RBFOX1: variants seen among roughly 807,000 people sequenced by gnomAD.
RBFOX1 encodes the protein RNA binding fox-1 homolog 1.
RBFOX1 carries 8 observed loss-of-function variants against 57.7 expected under a neutral mutation model. The observed-to-expected ratio is 0.14, with a 90% CI of 0.08 to 0.25. RBFOX1 has a LOEUF of 0.25. Ranked by LOEUF, RBFOX1 falls within the 10% of genes least tolerant of loss-of-function variation. The pLI is 1.00. For missense variants in RBFOX1, 611 were observed against 548.5 expected, an observed-to-expected ratio of 1.11 and a Z score of -1.14; for synonymous variants, 326 against 222.4, an observed-to-expected ratio of 1.47 and a Z score of -4.15.
chr16:6,483,207 G>A, intron 2 of RBFOX1: 2 of 1,200,158 alleles, frequency 1.7e-6, no homozygotes, highest in Non-Finnish European at 2.1e-6. Flanking sequence ...GCCGAGGCCG[G>A]CCGGGGAAGC....
At chr16:6,855,186 C>T (rs1221655437) in intron 3 of RBFOX1, among the ~76,000 whole-genome samples, 2 of 152,002 alleles carry the variant, frequency 1.3e-5, no homozygotes, top group African/African-American at 2.4e-5. Flanking sequence ...ATGATATCCC[C>T]AGTACCCAAT....
intron 3 of RBFOX1, among the ~76,000 whole-genome samples, chr16:6,747,621 A>G (rs2074022010): frequency 6.6e-6 from 1 of 152,106 alleles, no homozygotes; most frequent in South Asian, 2.1e-4. Context: ...CATCTCAGAT[A>G]TTGTCTCTTG....
At chr16:6,744,662 A>G (rs867569788) in intron 3 of RBFOX1, among the ~76,000 whole-genome samples, 1 of 152,112 alleles carries the variant, frequency 6.6e-6, no homozygotes, top group Non-Finnish European at 1.5e-5. Flanking sequence ...TATACATAAG[A>G]CATATCAGAT....
intron 2 of RBFOX1, among the ~76,000 whole-genome samples, chr16:6,404,079 A>C (rs2093183411): frequency 6.6e-6 from 1 of 152,170 alleles, no homozygotes. Flanking sequence ...CTGGCTCTCC[A>C]TGTCCATGGA....
chr16:6,947,593 C>T (rs942006508), intron 3 of RBFOX1, among the ~76,000 whole-genome samples: 1 of 152,172 alleles, frequency 6.6e-6, no homozygotes, highest in Non-Finnish European at 1.5e-5. Flanking sequence ...CTTGCTGCCT[C>T]CTGCCTTGCG....
chr16:6,788,720 C>T (rs1156317407), intron 3 of RBFOX1, among the ~76,000 whole-genome samples: 3 of 150,054 alleles, frequency 2.0e-5, no homozygotes, highest in Non-Finnish European at 4.4e-5. Context: ...CGTGATCCGC[C>T]CGCCTCGGCC....
rs145308988 is a variant in RBFOX1 at position 6,775,271 on chromosome 16, A to C, written c.-16+120621A>C. On this transcript the variant is annotated intron_variant, in intron 3 of 15. Transcript: ENST00000550418. ...CGTGAAACCGGGAGGCCGAGCTTGC[A>C]GTGAGCTGAGATCGCGCCACCGCAC... Among the ~76,000 whole-genome samples, 697 of 144,564 alleles carry C rather than the reference A, an allele frequency of 4.8e-3. 10 individuals are homozygous for C. Among genetic ancestry groups the C allele is most frequent in the African/African-American group, 0.017 (661 of 38,982 alleles). The allele number at this position is 144,564 out of a possible 152,430, so 94.8% of individuals were successfully genotyped here.
At chr16:6,755,694 A>G (rs2075678776) in intron 3 of RBFOX1, among the ~76,000 whole-genome samples, 1 of 152,174 alleles carries the variant, frequency 6.6e-6, no homozygotes, top group African/African-American at 2.4e-5. Context: ...ATAATACTAG[A>G]GAATTCGTTT....
chr16:5,302,571 C>G (rs1773033805), intron 1 of RBFOX1, among the ~76,000 whole-genome samples: 2 of 152,140 alleles, frequency 1.3e-5, no homozygotes. Flanking sequence ...ATTTGTCTTT[C>G]AATTATTGCA....
At chr16:6,789,289 G>C (rs1261970123) in intron 3 of RBFOX1, among the ~76,000 whole-genome samples, 1 of 152,174 alleles carries the variant, frequency 6.6e-6, no homozygotes, top group South Asian at 2.1e-4. Context: ...AAATACAGCA[G>C]TTGATATTTA....
chr16:7,691,763 A>C (rs1481937907), intron 14 of RBFOX1, among the ~76,000 whole-genome samples: 2 of 152,164 alleles, frequency 1.3e-5, no homozygotes, highest in African/African-American at 4.8e-5. Context: ...AACACAAGCT[A>C]GCAATCTGTT....
intron 4 of RBFOX1, among the ~76,000 whole-genome samples, chr16:7,439,495 C>G (rs942537929): frequency 1.3e-4 from 20 of 152,152 alleles, no homozygotes; most frequent in African/African-American, 4.8e-4. Flanking sequence ...GAATTATCCA[C>G]CTAGTTCCTC....
chr16:7,449,516 C>G (rs959971241), intron 4 of RBFOX1, among the ~76,000 whole-genome samples: 2 of 152,124 alleles, frequency 1.3e-5, no homozygotes, highest in African/African-American at 4.8e-5. Context: ...GAGTCATGAT[C>G]TATCATATTG....
intron 14 of RBFOX1, chr16:7,693,287 G>T: frequency 6.2e-7 from 1 of 1,607,002 alleles, no homozygotes; most frequent in Non-Finnish European, 8.5e-7. Flanking sequence ...TGAGCGAGCA[G>T]TATTGTGAAT....
intron 7 of RBFOX1, among the ~76,000 whole-genome samples, chr16:7,587,635 G>A (rs1228803556): frequency 2.6e-5 from 4 of 152,162 alleles, no homozygotes; most frequent in Non-Finnish European, 4.4e-5. Flanking sequence ...ATAGTCTCAT[G>A]AGCAGGTAAA....
chr16:7,089,100 C>T (rs1482188589), intron 4 of RBFOX1, among the ~76,000 whole-genome samples: 1 of 152,198 alleles, frequency 6.6e-6, no homozygotes, highest in Non-Finnish European at 1.5e-5. Context: ...TTCTTTGGGA[C>T]ATTTTCCTTT....
At chr16:6,381,910 G>C (rs2091854729) in intron 2 of RBFOX1, among the ~76,000 whole-genome samples, 1 of 152,190 alleles carries the variant, frequency 6.6e-6, no homozygotes, top group Non-Finnish European at 1.5e-5. Flanking sequence ...CAGATTCCAC[G>C]AGGGCAGAGA....
chr16:7,372,112 G>A (rs576422117), intron 4 of RBFOX1, among the ~76,000 whole-genome samples: 24 of 152,218 alleles, frequency 1.6e-4, no homozygotes, highest in Middle Eastern at 3.4e-3. Flanking sequence ...GGGTCCAAAA[G>A]TTGGTGTCTC....
chr16:6,869,343 C>A (rs1354337696), intron 3 of RBFOX1, among the ~76,000 whole-genome samples: 5 of 152,174 alleles, frequency 3.3e-5, no homozygotes, highest in African/African-American at 1.2e-4. Context: ...CAGAGGGTCA[C>A]TGTTCACAAA....
Sources: gnomAD v4.1 joint callset for allele counts (sites outside exome capture counted in the v4.1 genomes callset) on GRCh38, gnomAD v4.1.1 for gene constraint, MANE v1.5 for transcripts, NCBI Gene and HGNC (gene_info 2026-07-23, HGNC 2026-07-21) for gene names.